Variants in UNC5D observed in about 807,000 individuals in gnomAD.
UNC5D encodes the protein unc-5 netrin receptor D.
UNC5D carries 39 observed loss-of-function variants against 105.4 expected under a neutral mutation model. That is an observed-to-expected ratio of 0.37 (90% CI 0.29 to 0.48). The LOEUF (loss-of-function observed/expected upper bound fraction) is 0.48, where lower values mean the gene tolerates loss of function less well. UNC5D is among the 20% of genes least tolerant of loss of function. UNC5D has a pLI of 0.98. For missense variants in UNC5D, 991 were observed against 1,202.4 expected (o/e 0.82, Z 2.60); for synonymous variants, 452 against 450.4 (o/e 1.00, Z -0.04).
At chr8:35,788,183 CTG>C (rs144295080) in intron 16 of UNC5D, among the ~76,000 whole-genome samples, 14,407 of 147,440 alleles carry the variant, frequency 0.098, 2,130 homozygotes, top group African/African-American at 0.32. Context: ...CTCAGAATTG[CTG>C]TGTGTGTGTG....
chr8:35,711,236 G>A (rs1286211267), intron 8 of UNC5D, among the ~76,000 whole-genome samples: 2 of 151,958 alleles, frequency 1.3e-5, no homozygotes, highest in African/African-American at 2.4e-5. Flanking sequence ...CTGAAGTGCA[G>A]TGGTGCGATC....
chr8:35,664,189 T>C (rs1031237776), intron 4 of UNC5D, among the ~76,000 whole-genome samples: 3 of 152,202 alleles, frequency 2.0e-5, no homozygotes, highest in Non-Finnish European at 4.4e-5. Flanking sequence ...GTTTTACCTA[T>C]AAAATTATCA....
rs181013313 is a variant in UNC5D, at chr8:35,336,771, G to A, written c.103+100884G>A. Among the ~76,000 whole-genome samples, 707 of 150,190 alleles carry A rather than the reference G, an allele frequency of 4.7e-3. 6 individuals carry two copies. The highest frequency in any genetic ancestry group is 0.017 in the African/African-American group (683 of 40,972). On this transcript the variant is annotated intron_variant, in intron 1 of 16. Coordinates refer to ENST00000404895, the MANE Select transcript of UNC5D (RefSeq NM_080872.4). ...GATGATTTTTCAAACACAAAGCCCA[G>A]ATAGACCAAAGGAAATAGTGTTTTT...
chr8:35,628,302 T>G (rs1012373162), intron 4 of UNC5D, among the ~76,000 whole-genome samples: 7 of 152,040 alleles, frequency 4.6e-5, no homozygotes, highest in African/African-American at 1.7e-4. Flanking sequence ...CCCAGCCAAT[T>G]TTTGTATTTT....
intron 13 of UNC5D, among the ~76,000 whole-genome samples, chr8:35,752,339 G>C (rs1830323164): frequency 6.6e-6 from 1 of 152,116 alleles, no homozygotes; most frequent in East Asian, 1.9e-4. Flanking sequence ...ATTATGCAGA[G>C]TATTTCCTCA....
intron 1 of UNC5D, among the ~76,000 whole-genome samples, chr8:35,404,763 T>C (rs1249746105): frequency 6.6e-6 from 1 of 152,134 alleles, no homozygotes; most frequent in Non-Finnish European, 1.5e-5. Flanking sequence ...AATTTTTTTG[T>C]ATTTTTAGTA....
intron 1 of UNC5D, among the ~76,000 whole-genome samples, chr8:35,336,986 A>G (rs965739755): frequency 1.3e-5 from 2 of 152,122 alleles, no homozygotes; most frequent in African/African-American, 4.8e-5. Flanking sequence ...TGTCAGGACT[A>G]TCATTTGTAT....
chr8:35,599,503 A>G (rs1269342839), intron 4 of UNC5D, among the ~76,000 whole-genome samples: 1 of 152,230 alleles, frequency 6.6e-6, no homozygotes, highest in Non-Finnish European at 1.5e-5. Flanking sequence ...AGCTTAAAAA[A>G]TAAATTTAAA....
chr8:35,314,690 A>G (rs1461481268), intron 1 of UNC5D, among the ~76,000 whole-genome samples: 1 of 152,134 alleles, frequency 6.6e-6, no homozygotes, highest in African/African-American at 2.4e-5. Context: ...TGGAGAGTCA[A>G]CTCTTGTTGG....
intron 1 of UNC5D, among the ~76,000 whole-genome samples, chr8:35,477,150 G>T (rs906983616): frequency 1.1e-4 from 17 of 152,076 alleles, no homozygotes; most frequent in Admixed American, 5.9e-4. Context: ...AAGGTCATTT[G>T]CCTGCTTTCT....
chr8:35,639,670 A>G (rs1196330957), intron 4 of UNC5D, among the ~76,000 whole-genome samples: 1 of 152,194 alleles, frequency 6.6e-6, no homozygotes, highest in Non-Finnish European at 1.5e-5. Flanking sequence ...ATTCTGGAAG[A>G]TAAAACTCAA....
In UNC5D at chr8:35,665,425, G is replaced by A. The variant is rs564635767; in HGVS notation, c.571-18122G>A. ...TGGCATGCAGGATCCAGTACAAGCT[G>A]CTGCTGTTCTGGTCTCAATCTCTTT... On this transcript the variant is annotated intron_variant, in intron 4 of 16. Transcript: ENST00000404895. Among the ~76,000 whole-genome samples, 3 of 152,228 alleles carry A rather than the reference G, an allele frequency of 2.0e-5. No homozygotes were observed. The East Asian group carries it at 5.8e-4, about 29-fold the overall frequency.
intron 1 of UNC5D, among the ~76,000 whole-genome samples, chr8:35,497,355 A>G (rs1252541631): frequency 1.3e-5 from 2 of 152,168 alleles, no homozygotes; most frequent in Non-Finnish European, 2.9e-5. Context: ...TGCTTCAGGG[A>G]CAAGACTAGG....
chr8:35,440,038 C>G (rs1449337288), intron 1 of UNC5D, among the ~76,000 whole-genome samples: 1 of 151,966 alleles, frequency 6.6e-6, no homozygotes. Context: ...TGCTTTTCCC[C>G]CCATAACCCA....
intron 1 of UNC5D, among the ~76,000 whole-genome samples, chr8:35,528,279 G>C (rs1254435666): frequency 6.7e-6 from 1 of 149,240 alleles, no homozygotes; most frequent in Non-Finnish European, 1.5e-5. Context: ...TCTCACCTAT[G>C]AGTGAGAATA....
chr8:35,557,359 A>G (rs908543111), intron 2 of UNC5D, among the ~76,000 whole-genome samples: 2 of 152,166 alleles, frequency 1.3e-5, no homozygotes, highest in Non-Finnish European at 2.9e-5. Flanking sequence ...GGGAAAACAA[A>G]AGACTATTCA....
intron 1 of UNC5D, among the ~76,000 whole-genome samples, chr8:35,355,155 A>T (rs547305077): frequency 3.5e-4 from 54 of 152,204 alleles, no homozygotes; most frequent in African/African-American, 1.3e-3. Flanking sequence ...TTTACCTCTT[A>T]ATAGGAAGAG....
At chr8:35,521,212 G>GAGGA (rs967918894) in intron 1 of UNC5D, among the ~76,000 whole-genome samples, 28 of 152,160 alleles carry the variant, frequency 1.8e-4, no homozygotes, top group Admixed American at 1.6e-3. Flanking sequence ...TTTTGAAAGG[G>GAGGA]AGGAGGCAGA....
intron 1 of UNC5D, among the ~76,000 whole-genome samples, chr8:35,415,041 A>T (rs1805443920): frequency 6.6e-6 from 1 of 152,124 alleles, no homozygotes; most frequent in Non-Finnish European, 1.5e-5. Context: ...CTTAGGTCTA[A>T]ATCAGAATTT....
Sources: allele counts gnomAD v4.1 joint callset (sites outside exome capture counted in the v4.1 genomes callset), GRCh38; gene constraint gnomAD v4.1.1; transcripts MANE v1.5; gene names NCBI Gene and HGNC (gene_info 2026-07-23, HGNC 2026-07-21).